The following ANKS1B variants were observed in gnomAD, a reference collection of about 807,000 sequenced individuals.
The protein encoded by ANKS1B is ankyrin repeat and sterile alpha motif domain-containing protein 1B.
ANKS1B carries 36 observed loss-of-function variants against 148.3 expected under a neutral mutation model. The observed-to-expected ratio is 0.24, with a 90% CI of 0.19 to 0.32. The LOEUF is 0.32. ANKS1B is among the 10% of genes least tolerant of loss of function. The pLI, the probability that ANKS1B is intolerant of heterozygous loss-of-function variation, is 1.00. For missense variants in ANKS1B, 1,157 were observed against 1,542.6 expected, an observed-to-expected ratio of 0.75 and a Z score of 4.19; for synonymous variants, 542 against 560.8, an observed-to-expected ratio of 0.97 and a Z score of 0.47.
intron 17 of ANKS1B, among the ~76,000 whole-genome samples, chr12:98,884,443 G>A (rs2099730897): frequency 6.6e-6 from 1 of 152,170 alleles, no homozygotes; most frequent in African/African-American, 2.4e-5. Context: ...TTCATCATAT[G>A]CTTCTCTGTA....
At chr12:99,010,052 C>T (rs1185948567) in intron 17 of ANKS1B, among the ~76,000 whole-genome samples, 1 of 152,080 alleles carries the variant, frequency 6.6e-6, no homozygotes, top group Non-Finnish European at 1.5e-5. Flanking sequence ...GTGGGAGGAT[C>T]TCAAAAGTGA....
intron 1 of ANKS1B, among the ~76,000 whole-genome samples, chr12:99,891,784 A>G (rs1004939030): frequency 1.3e-5 from 2 of 152,192 alleles, no homozygotes; most frequent in African/African-American, 4.8e-5. Context: ...ATGCTATTGC[A>G]GTTATGCTTT....
chr12:99,643,438 A>G lies in ANKS1B; in HGVS notation c.1272+11629T>C, dbSNP rs781468822. Among the ~76,000 whole-genome samples the G allele has an allele frequency of 1.4e-4, 21 of 152,324 alleles. No individual in the cohort carries two copies. The Middle Eastern group carries it at 0.01, about 74-fold the overall frequency. ...AATGAAAAATAAAAAGTGAGTCAAC[A>G]GTCCGAAGCAATTCAGAACTGCAAC... On this transcript the variant is annotated intron_variant, in intron 9 of 26. Coordinates refer to ENST00000683438, the MANE Select transcript of ANKS1B (RefSeq NM_001352186.2).
chr12:99,825,807 T>C (rs2083107316), intron 1 of ANKS1B, among the ~76,000 whole-genome samples: 1 of 152,200 alleles, frequency 6.6e-6, no homozygotes, highest in Non-Finnish European at 1.5e-5. Context: ...TTTATATAAG[T>C]TATAAGATAT....
chr12:98,993,813 T>C (rs917059033), intron 17 of ANKS1B, among the ~76,000 whole-genome samples: 2 of 152,220 alleles, frequency 1.3e-5, no homozygotes, highest in African/African-American at 4.8e-5. Context: ...TAAAATCTAA[T>C]TAACATTAAT....
intron 19 of ANKS1B, among the ~76,000 whole-genome samples, chr12:98,814,158 G>T (rs1398530788): frequency 6.6e-6 from 1 of 152,188 alleles, no homozygotes; most frequent in Non-Finnish European, 1.5e-5. Flanking sequence ...TGGATTACAG[G>T]CATGAGCCAC....
At chr12:99,341,212 T>C (rs1283018188) in intron 12 of ANKS1B, 1 of 152,192 alleles carries the variant, frequency 6.6e-6, no homozygotes, top group African/African-American at 2.4e-5. Context: ...ATTACTCTTC[T>C]ATACTTCATG....
chr12:99,932,774 T>G (rs2094655241), intron 1 of ANKS1B, among the ~76,000 whole-genome samples: 1 of 152,156 alleles, frequency 6.6e-6, no homozygotes, highest in East Asian at 1.9e-4. Context: ...TAACTTGATG[T>G]GATCCCATTT....
At position 98,745,612 on chromosome 12, in the gene ANKS1B, C is replaced by A; in HGVS notation, c.*127G>T. 1 of 1,438,754 alleles carries A rather than the reference C, an allele frequency of 7.0e-7. No homozygotes were observed. Among genetic ancestry groups the A allele is most frequent in the Admixed American group, 2.8e-5 (1 of 35,192 alleles). 89.1% of individuals were successfully genotyped at this position (1,438,754 alleles called of 1,614,324 possible). A position where few individuals can be genotyped will look rare whatever the true frequency, so the allele number is the denominator to read the frequency against. ...CCAGGAATGGCCAGTGGCCTTTCGC[C>A]CGTAACAAGGCCGCACGCTCAGAGC... On this transcript the variant is annotated 3_prime_UTR_variant, in exon 27 of 27. Transcript: ENST00000683438.
intron 14 of ANKS1B, among the ~76,000 whole-genome samples, chr12:99,188,031 CA>C (rs2080109083): frequency 1.3e-5 from 2 of 151,842 alleles, no homozygotes; most frequent in South Asian, 4.2e-4. Flanking sequence ...AAAAAAAAAG[CA>C]GGGGTTGCAA....
chr12:98,891,738 A>C (rs933450277), intron 17 of ANKS1B, among the ~76,000 whole-genome samples: 10 of 150,958 alleles, frequency 6.6e-5, no homozygotes, highest in Admixed American at 6.6e-4. Context: ...ATGCATATTC[A>C]CTCAAATATG....
intron 12 of ANKS1B, among the ~76,000 whole-genome samples, chr12:99,267,582 C>CATTCATTCATTCA (rs1322705779): frequency 1.3e-5 from 2 of 152,138 alleles, no homozygotes; most frequent in African/African-American, 4.8e-5. Flanking sequence ...TTCATTCATT[C>CATTCATTCATTCA]ATTTATTCAA....
chr12:99,476,237 A>G (rs1399737123), intron 10 of ANKS1B, among the ~76,000 whole-genome samples: 1 of 152,108 alleles, frequency 6.6e-6, no homozygotes, highest in East Asian at 1.9e-4. Flanking sequence ...TACTAAAAAT[A>G]GAAAAATTAG....
At chr12:99,139,539 A>C (rs1347570046) in intron 15 of ANKS1B, among the ~76,000 whole-genome samples, 2 of 141,334 alleles carry the variant, frequency 1.4e-5, no homozygotes, top group African/African-American at 2.7e-5. Context: ...CAGCCTTCCA[A>C]ACTGGCTGGG....
At chr12:99,323,597 T>C (rs1422510231) in intron 12 of ANKS1B, among the ~76,000 whole-genome samples, 2 of 152,232 alleles carry the variant, frequency 1.3e-5, no homozygotes, top group Non-Finnish European at 2.9e-5. Flanking sequence ...TTTTAACCTT[T>C]AATGACTATC....
chr12:99,644,464 A>G (rs1430264431), intron 9 of ANKS1B, among the ~76,000 whole-genome samples: 2 of 152,192 alleles, frequency 1.3e-5, no homozygotes, highest in Admixed American at 1.3e-4. Flanking sequence ...CTAAGAAAAT[A>G]CAGGTTTTCT....
chr12:99,909,290 A>C (rs1050757527), intron 1 of ANKS1B, among the ~76,000 whole-genome samples: 2 of 150,430 alleles, frequency 1.3e-5, no homozygotes, highest in Non-Finnish European at 3.0e-5. Flanking sequence ...CTATCCATTC[A>C]TCCATCAACA....
At position 99,977,397 on chromosome 12, in the gene ANKS1B, G is replaced by A. The variant is rs976434998; in HGVS notation, c.134+6707C>T. Among the ~76,000 whole-genome samples, 4 of 152,136 alleles carry A rather than the reference G, an allele frequency of 2.6e-5. No homozygotes were observed. The East Asian group carries it at 7.7e-4, about 29-fold the overall frequency. On this transcript the variant is annotated intron_variant, in intron 1 of 26. Transcript: ENST00000683438. ...ACCCCTGGCCTCAAGTGATACTCCCGTCTCAGCCTCCCAAAGCCTGCGATT... is the reference window on the plus strand; with the variant it reads ...ACCCCTGGCCTCAAGTGATACTCCCATCTCAGCCTCCCAAAGCCTGCGATT...
At chr12:99,124,584 G>C (rs1374927049) in intron 15 of ANKS1B, among the ~76,000 whole-genome samples, 2 of 152,144 alleles carry the variant, frequency 1.3e-5, no homozygotes, top group African/African-American at 4.8e-5. Context: ...CTGGGCTAAA[G>C]ATACAACTGT....
Sources: gnomAD v4.1 joint callset for allele counts (sites outside exome capture counted in the v4.1 genomes callset) on GRCh38, gnomAD v4.1.1 for gene constraint, MANE v1.5 for transcripts, NCBI Gene and HGNC (gene_info 2026-07-23, HGNC 2026-07-21) for gene names.